Variants in TAOK1 observed in about 807,000 individuals in gnomAD.
TAOK1 encodes the protein serine/threonine-protein kinase TAO1.
TAOK1 carries 21 observed loss-of-function variants against 138.3 expected under a neutral mutation model. The ratio of observed to expected loss-of-function variants is 0.15; its 90% CI spans 0.11 to 0.22. The LOEUF (loss-of-function observed/expected upper bound fraction) is 0.22, where lower values mean the gene tolerates loss of function less well. Ranked by LOEUF, TAOK1 falls within the 10% of genes least tolerant of loss-of-function variation. The probability of loss-of-function intolerance (pLI) is 1.00; values close to 1 mark genes in which losing one functional copy is unlikely to be tolerated. For missense variants in TAOK1, 651 were observed against 1,227.7 expected (o/e 0.53, Z 7.02); for synonymous variants, 361 against 398.4 (o/e 0.91, Z 1.12).
intron 1 of TAOK1, among the ~76,000 whole-genome samples, chr17:29,442,933 A>C (rs1437830052): frequency 6.6e-6 from 1 of 152,110 alleles, no homozygotes; most frequent in Admixed American, 6.6e-5. Flanking sequence ...TTCGTCCTAT[A>C]ATGTCAAATT....
chr17:29,496,743 G>A (rs923320231), intron 11 of TAOK1, among the ~76,000 whole-genome samples: 5 of 149,518 alleles, frequency 3.3e-5, no homozygotes, highest in East Asian at 2.0e-4. Flanking sequence ...GCGCCACCAC[G>A]CCCAACTAAT....
intron 16 of TAOK1, among the ~76,000 whole-genome samples, chr17:29,518,634 C>T (rs1230614967): frequency 3.3e-5 from 5 of 152,222 alleles, no homozygotes; most frequent in African/African-American, 4.8e-5. Context: ...TATGAAATCA[C>T]GGAATTGATG....
rs183979095 is a variant in TAOK1 at position 29,501,794 on chromosome 17, T to G, written c.1204-795T>G. Reference sequence around the variant, plus strand: ...ACTCACGCATGTAATCCCAACATATTGGGAGGCCAAGGCAGGCAGATTGCT... The same window carrying G: ...ACTCACGCATGTAATCCCAACATATGGGGAGGCCAAGGCAGGCAGATTGCT... On this transcript the variant is annotated intron_variant, in intron 12 of 19. Coordinates refer to ENST00000261716, the MANE Select transcript of TAOK1 (RefSeq NM_020791.4). Among the ~76,000 whole-genome samples the G allele has an allele frequency of 5.9e-5, 9 of 152,200 alleles. No homozygotes were observed. In the East Asian group the frequency reaches 1.7e-3, roughly 29 times the overall value.
At chr17:29,539,561 C>T (rs981206284) in intron 19 of TAOK1, among the ~76,000 whole-genome samples, 7 of 152,078 alleles carry the variant, frequency 4.6e-5, no homozygotes, top group Admixed American at 1.3e-4. Context: ...TTCAGCCTCC[C>T]GAGTAGCTGG....
At chr17:29,463,963 T>C (rs1300277423) in intron 2 of TAOK1, among the ~76,000 whole-genome samples, 5 of 152,162 alleles carry the variant, frequency 3.3e-5, no homozygotes, top group Non-Finnish European at 7.4e-5. Context: ...CATGAAAAGA[T>C]CCTCAACCTC....
At chr17:29,409,388 G>A (rs904032018) in intron 1 of TAOK1, among the ~76,000 whole-genome samples, 24 of 141,066 alleles carry the variant, frequency 1.7e-4, no homozygotes, top group African/African-American at 6.4e-4. Flanking sequence ...AGGCTGGAGT[G>A]CAGTGGTGAA....
intron 2 of TAOK1, among the ~76,000 whole-genome samples, chr17:29,455,959 A>G (rs2030366904): frequency 6.7e-6 from 1 of 150,282 alleles, no homozygotes; most frequent in Non-Finnish European, 1.5e-5. Context: ...TGTTGGCATC[A>G]GGGTAATACT....
chr17:29,525,106 G>T (rs1049786495), intron 17 of TAOK1, among the ~76,000 whole-genome samples: 95 of 147,684 alleles, frequency 6.4e-4, no homozygotes, highest in Middle Eastern at 3.5e-3. Flanking sequence ...TGTTTTTTTT[G>T]TTTTGTTTTG....
intron 1 of TAOK1, among the ~76,000 whole-genome samples, chr17:29,450,306 C>T (rs2030200000): frequency 1.3e-5 from 2 of 152,162 alleles, no homozygotes; most frequent in South Asian, 4.1e-4. Context: ...GAGCTGGTCT[C>T]AAGCTCCTGG....
intron 17 of TAOK1, among the ~76,000 whole-genome samples, chr17:29,525,675 G>A (rs778085784): frequency 4.6e-5 from 7 of 152,148 alleles, no homozygotes; most frequent in East Asian, 1.9e-4. Context: ...GATTACAGGC[G>A]TGAGCCACCG....
chr17:29,445,370 A>G (rs908480996), intron 1 of TAOK1: 3 of 152,294 alleles, frequency 2.0e-5, no homozygotes, highest in Non-Finnish European at 2.9e-5. Context: ...TCTTATTCCA[A>G]TTTTAGCATA....
chr17:29,478,137 AAAAT>A (rs1357816271), intron 5 of TAOK1, 110 bp from the exon 6 acceptor site: 3 of 657,690 alleles, frequency 4.6e-6, no homozygotes, highest in East Asian at 3.1e-5. Flanking sequence ...ATCATCTTGG[AAAAT>A]AAATCTCTTC....
At chr17:29,533,700 G>A (rs2032170583) in intron 18 of TAOK1, among the ~76,000 whole-genome samples, 1 of 151,742 alleles carries the variant, frequency 6.6e-6, no homozygotes, top group African/African-American at 2.4e-5. Flanking sequence ...AACCAGTCAG[G>A]CGTGGCGGCG....
intron 17 of TAOK1, among the ~76,000 whole-genome samples, chr17:29,524,846 G>A (rs1293098689): frequency 6.6e-6 from 1 of 152,062 alleles, no homozygotes; most frequent in Non-Finnish European, 1.5e-5. Context: ...GAAAGGGTTG[G>A]GTGAAAATCT....
intron 2 of TAOK1, among the ~76,000 whole-genome samples, chr17:29,461,815 C>T (rs1256598717): frequency 1.3e-5 from 2 of 151,686 alleles, no homozygotes; most frequent in Non-Finnish European, 2.9e-5. Context: ...TAGGACCATC[C>T]CAGAAACAAT....
intron 18 of TAOK1, among the ~76,000 whole-genome samples, chr17:29,532,363 T>TC (rs1436395236): frequency 6.6e-6 from 1 of 151,282 alleles, no homozygotes; most frequent in Non-Finnish European, 1.5e-5. Flanking sequence ...TGGTTTTTTT[T>TC]TTTTTGATCA....
chr17:29,473,461 C>T (rs893546791), intron 3 of TAOK1, among the ~76,000 whole-genome samples: 1 of 152,006 alleles, frequency 6.6e-6, no homozygotes, highest in Non-Finnish European at 1.5e-5. Flanking sequence ...CATGGTGAAA[C>T]CCCGTCTCTG....
In TAOK1 at chr17:29,482,275, A is replaced by G. The variant is rs999315143; in HGVS notation, c.642A>G (p.Thr214=). Residue 214 remains threonine, a synonymous_variant, in exon 8 of 20, where the codon ACA becomes ACG. Transcript: ENST00000261716. ...TAGATGTGTGGTCTCTTGGAATAAC[A>G]TGTATTGAACTAGGTAAGCATTGTT... The part of the protein sequence containing the change: ...GKVDVWSLGI[T]CIELAERKPP... 1 of 1,612,190 alleles carries G rather than the reference A, an allele frequency of 6.2e-7. No individual in the cohort carries two copies. Among genetic ancestry groups the G allele is most frequent in the Non-Finnish European group, 8.5e-7 (1 of 1,179,050 alleles).
At chr17:29,514,442 C>G (rs2031777799) in intron 15 of TAOK1, 3 of 152,160 alleles carry the variant, frequency 2.0e-5, no homozygotes, top group African/African-American at 7.2e-5. Context: ...TCACTGCAGC[C>G]TTTACCTCCC....
Sources: gnomAD v4.1 joint callset for allele counts (sites outside exome capture counted in the v4.1 genomes callset) on GRCh38, gnomAD v4.1.1 for gene constraint, MANE v1.5 for transcripts, NCBI Gene and HGNC (gene_info 2026-07-23, HGNC 2026-07-21) for gene names.